The following MS4A12 variants were observed in gnomAD, a reference collection of about 807,000 sequenced individuals.
MS4A12 encodes membrane spanning 4-domains A12.
In MS4A12, 28 loss-of-function variants were observed where a neutral mutation model predicts 23.7. That is an observed-to-expected ratio of 1.18 (90% confidence interval 0.88 to 1.62). The LOEUF is 1.62. Among genes scored for constraint, MS4A12 ranks in the 40% most tolerant of loss-of-function variants. The pLI, the probability that MS4A12 is intolerant of heterozygous loss-of-function variation, is 0.00. For synonymous variants in MS4A12, 108 were observed against 110.1 expected (o/e 0.98, Z 0.12); for missense variants, 342 against 327.0 (o/e 1.05, Z -0.35).
At chr11:60,502,677 G>A (rs2086540220) in intron 4 of MS4A12, among the ~76,000 whole-genome samples, 1 of 152,206 alleles carries the variant, frequency 6.6e-6, no homozygotes. Flanking sequence ...GTCAACTAGA[G>A]CAGAGGTGGT....
chr11:60,499,761 A>C (rs911112584), intron 2 of MS4A12, among the ~76,000 whole-genome samples: 2 of 152,210 alleles, frequency 1.3e-5, no homozygotes, highest in Non-Finnish European at 2.9e-5. Context: ...TGGATAGATA[A>C]GATGTAACCA....
intron 3 of MS4A12, 32 bp downstream of exon 3, chr11:60,501,214 T>C (rs761734608): frequency 1.9e-6 from 3 of 1,564,116 alleles, no homozygotes; most frequent in South Asian, 2.4e-5. Flanking sequence ...CAGTCCTTCT[T>C]GGTTTATAAA....
chr11:60,497,288 C>G (rs1565203320), intron 1 of MS4A12, 25 bp from the exon 2 acceptor site: 1 of 1,575,982 alleles, frequency 6.3e-7, no homozygotes, highest in Admixed American at 1.9e-5. Flanking sequence ...AAACGTATCA[C>G]TTTTGTATGT....
At chr11:60,494,996 A>ATTT (rs11331718) in intron 1 of MS4A12, among the ~76,000 whole-genome samples, 1 of 141,168 alleles carries the variant, frequency 7.1e-6, no homozygotes. Flanking sequence ...ATGTGTTTAC[A>ATTT]TTTTTTTTTT....
chr11:60,502,219 T>G (rs1275619806), intron 4 of MS4A12, among the ~76,000 whole-genome samples, 180 bp downstream of exon 4: 1 of 152,186 alleles, frequency 6.6e-6, no homozygotes, highest in Non-Finnish European at 1.5e-5. Flanking sequence ...AGTTTGCCAC[T>G]AAGAAATGGC....
At chr11:60,502,652 TTA>T (rs2135232975) in intron 4 of MS4A12, among the ~76,000 whole-genome samples, 1 of 152,252 alleles carries the variant, frequency 6.6e-6, no homozygotes, top group African/African-American at 2.4e-5. Flanking sequence ...AGAAAGTGAT[TTA>T]TCAAGAACTA....
intron 4 of MS4A12, 146 bp downstream of exon 4, chr11:60,502,185 CTGGGGTGAG>C: frequency 1.3e-6 from 1 of 766,130 alleles, no homozygotes; most frequent in Admixed American, 2.5e-5. Context: ...GGTCTGAGCG[CTGGGGTGAG>C]AAAATGGTCC....
chr11:60,506,872 A>T (rs2086574568), intron 6 of MS4A12, 34 bp downstream of exon 6: 5 of 1,584,820 alleles, frequency 3.2e-6, no homozygotes, highest in Middle Eastern at 1.7e-4. Context: ...AAATAATCTG[A>T]AAATGCCCTG....
chr11:60,507,018 A>G lies in MS4A12; in HGVS notation c.700-2A>G. On this transcript the variant is annotated splice_acceptor_variant, in intron 6 of 6. Transcript: ENST00000016913. LOFTEE classifies it high-confidence loss of function. Reference sequence around the variant, plus strand: ...TTGCTTGTTTTTATTCATTCTTTCCAGTCTGTCCTGGTTATTCCAAATATG... The same window carrying G: ...TTGCTTGTTTTTATTCATTCTTTCCGGTCTGTCCTGGTTATTCCAAATATG... The G allele has an allele frequency of 6.2e-7, 1 of 1,609,612 alleles. No individual in the cohort carries two copies. Among genetic ancestry groups the G allele is most frequent in the Non-Finnish European group, 8.5e-7 (1 of 1,175,930 alleles).
chr11:60,501,916 T>C, intron 3 of MS4A12, 67 bp from the exon 4 acceptor site: 1 of 1,425,100 alleles, frequency 7.0e-7, no homozygotes, highest in Non-Finnish European at 9.8e-7. Flanking sequence ...CAACCTTTCA[T>C]ATAAAGAGAA....
intron 6 of MS4A12, 43 bp from the exon 7 acceptor site, chr11:60,506,977 G>A (rs750381725): frequency 1.3e-6 from 2 of 1,562,906 alleles, no homozygotes; most frequent in East Asian, 2.2e-5. Flanking sequence ...AATTGCATAG[G>A]ATTGTAGTAA....
At chr11:60,506,870 T>C (rs746309343) in intron 6 of MS4A12, 32 bp downstream of exon 6, 3 of 1,586,556 alleles carry the variant, frequency 1.9e-6, no homozygotes, top group Non-Finnish European at 2.6e-6. Context: ...TAAAATAATC[T>C]GAAAATGCCC....
intron 2 of MS4A12, 94 bp downstream of exon 2, chr11:60,497,688 A>G: frequency 2.2e-6 from 3 of 1,350,126 alleles, no homozygotes; most frequent in Non-Finnish European, 2.1e-6. Flanking sequence ...AAAAGTTCTG[A>G]ACGTTATTCT....
intron 5 of MS4A12, 102 bp downstream of exon 5, chr11:60,503,919 T>C (rs1399983275): frequency 1.8e-5 from 18 of 1,026,900 alleles, no homozygotes; most frequent in South Asian, 3.2e-5. Flanking sequence ...TAGTGGAAAA[T>C]GTTTTTTCTA....
chr11:60,494,996 ATTT>A (rs11331718), intron 1 of MS4A12, among the ~76,000 whole-genome samples: 1 of 141,152 alleles, frequency 7.1e-6, no homozygotes, highest in Non-Finnish European at 1.5e-5. Flanking sequence ...ATGTGTTTAC[ATTT>A]TTTTTTTTTT....
At chr11:60,495,619 C>G (rs913456227) in intron 1 of MS4A12, among the ~76,000 whole-genome samples, 56 of 152,172 alleles carry the variant, frequency 3.7e-4, no homozygotes, top group African/African-American at 1.2e-3. Flanking sequence ...CTTATTAGCT[C>G]TATTTTACAG....
intron 3 of MS4A12, among the ~76,000 whole-genome samples, chr11:60,501,468 T>A (rs1284624604): frequency 6.6e-6 from 1 of 152,158 alleles, no homozygotes; most frequent in Non-Finnish European, 1.5e-5. Context: ...AAGCCAAAGT[T>A]TTGATATCCT....
chr11:60,496,347 A>T (rs1403435855), intron 1 of MS4A12, among the ~76,000 whole-genome samples: 1 of 152,226 alleles, frequency 6.6e-6, no homozygotes, highest in Non-Finnish European at 1.5e-5. Flanking sequence ...GCTAAAGACA[A>T]ATTTTTTAAG....
At position 60,501,129 on chromosome 11, in the gene MS4A12, G is replaced by C. The variant is rs772088969; in HGVS notation, c.361G>C (p.Gly121Arg). The stretch of plus-strand genomic sequence containing the variant: ...ATCCTTCTCTTTTAGAGAAGTATTA[G>C]GTTTTGCCTCTACTGCTGTTATTGG... ...LISFSFREVL[G>R]FASTAVIGGY... The change falls in exon 3 of 7, where the codon GGT (glycine) becomes CGT (arginine). Residue 121 changes from glycine (G) to arginine (R), a missense_variant. Transcript: ENST00000016913. The C allele has an allele frequency of 6.2e-6, 10 of 1,613,548 alleles. No homozygotes were observed. Among genetic ancestry groups the C allele is most frequent in the Non-Finnish European group, 7.6e-6 (9 of 1,179,804 alleles).
Sources: allele counts gnomAD v4.1 joint callset (sites outside exome capture counted in the v4.1 genomes callset), GRCh38; gene constraint gnomAD v4.1.1; transcripts MANE v1.5; gene names NCBI Gene and HGNC (gene_info 2026-07-23, HGNC 2026-07-21).